Variants in DNAH5 observed in about 807,000 individuals in gnomAD.
DNAH5 encodes axonemal beta dynein heavy chain 5.
In DNAH5, 372 loss-of-function variants were observed where a neutral mutation model predicts 518.2. That is an observed-to-expected ratio of 0.72 (90% CI 0.66 to 0.78). The LOEUF (loss-of-function observed/expected upper bound fraction) is 0.78. Ranked by LOEUF, DNAH5 falls within the 30% of genes least tolerant of loss-of-function variation. The probability of loss-of-function intolerance (pLI) is 0.00; values close to 1 mark genes in which losing one functional copy is unlikely to be tolerated. For missense variants in DNAH5, 5,523 were observed against 5,687.0 expected, an observed-to-expected ratio of 0.97 and a Z score of 0.93; for synonymous variants, 2,039 against 2,025.9, an observed-to-expected ratio of 1.01 and a Z score of -0.17.
intron 52 of DNAH5, among the ~76,000 whole-genome samples, chr5:13,781,669 A>G (rs1264179947): frequency 1.3e-5 from 2 of 151,546 alleles, no homozygotes; most frequent in Non-Finnish European, 2.9e-5. Context: ...GCCATGTAAG[A>G]AGTGCCTTTC....
Position 13,871,700 on chromosome 5 carries a change from T to C in DNAH5, c.3462A>G (p.Glu1154=), listed in dbSNP as rs1338159814. ...TCTGTGTAATAAATGTCTTAATGGCTTCTTCTTTTCCCTTTTGCCAAATGT... is the reference window on the plus strand; with the variant it reads ...TCTGTGTAATAAATGTCTTAATGGCCTCTTCTTTTCCCTTTTGCCAAATGT... ...YNHIWQKGKE[E]AIKTFITQSP... The change falls in exon 23 of 79, where the codon GAA becomes GAG. Residue 1154 remains glutamate (E), a synonymous_variant. Coordinates refer to ENST00000265104, the MANE Select transcript of DNAH5 (RefSeq NM_001369.3). 5 of 1,613,818 alleles carry C rather than the reference T, an allele frequency of 3.1e-6. No homozygotes were observed. Among genetic ancestry groups the C allele is most frequent in the Non-Finnish European group, 4.2e-6 (5 of 1,179,822 alleles).
At chr5:13,916,113 A>C (rs949020125) in intron 9 of DNAH5, among the ~76,000 whole-genome samples, 1 of 151,644 alleles carries the variant, frequency 6.6e-6, no homozygotes, top group Admixed American at 6.6e-5. Flanking sequence ...CATTTGTATT[A>C]TATAAATAAT....
intron 31 of DNAH5, among the ~76,000 whole-genome samples, chr5:13,849,446 A>C (rs1448050552): frequency 6.6e-6 from 1 of 152,214 alleles, no homozygotes; most frequent in African/African-American, 2.4e-5. Flanking sequence ...GGTTCCTTTT[A>C]ATAGGATACA....
intron 1 of DNAH5, among the ~76,000 whole-genome samples, chr5:13,967,667 G>C (rs945380686): frequency 1.3e-5 from 2 of 151,986 alleles, no homozygotes; most frequent in Non-Finnish European, 2.9e-5. Flanking sequence ...CTCTTGCTCT[G>C]GCTGTATGGG....
rs1295167678 is a variant in DNAH5, at chr5:13,753,235, G to A, written c.10870C>T (p.Gln3624Ter). ...AAACATACTAAAACACAAATTACCTGGAGTTCATTTCGGCTTTCTTTATTT... is the reference window on the plus strand; with the variant it reads ...AAACATACTAAAACACAAATTACCTAGAGTTCATTTCGGCTTTCTTTATTT... The part of the protein sequence containing the change: ...IKNKESRNEL[Q>*]ITSLNHKYFR... Residue 3624 changes from glutamine to a stop codon, truncating the protein, a stop_gained and splice_region_variant, in exon 63 of 79, where the codon CAG becomes TAG. Transcript: ENST00000265104. LOFTEE classifies it high-confidence loss of function. 2.5e-6 allele frequency: 4 copies of A among 1,611,440 alleles called. No individual in the cohort carries two copies. The highest frequency in any genetic ancestry group is 3.4e-6 in the Non-Finnish European group (4 of 1,177,774).
chr5:13,915,093 A>G (rs1776495468), intron 9 of DNAH5, among the ~76,000 whole-genome samples: 1 of 152,122 alleles, frequency 6.6e-6, no homozygotes, highest in Admixed American at 6.5e-5. Flanking sequence ...GAGAAGGAAA[A>G]CTAATGTACA....
intron 41 of DNAH5, among the ~76,000 whole-genome samples, chr5:13,817,958 A>G (rs578158779): frequency 6.6e-6 from 1 of 152,294 alleles, no homozygotes; most frequent in East Asian, 1.9e-4. Flanking sequence ...GGAATTTATG[A>G]AGGTACTAAT....
chr5:13,959,061 C>A lies in DNAH5; in HGVS notation c.13-27817G>T, dbSNP rs1376936354. ...GCAACCTCCGCCTCTCAGGTTCAAG[C>A]AATTCTCCTGCCTCAGCTAGAATTA... On this transcript the variant is annotated intron_variant, in intron 1 of 78. Transcript: ENST00000681290. 3.3e-5 allele frequency among the ~76,000 whole-genome samples: 5 copies of A among 152,162 alleles called. No homozygotes were observed. In the South Asian group the frequency reaches 8.3e-4, roughly 25 times the overall value.
chr5:13,858,075 C>A (rs1208396859), intron 30 of DNAH5, among the ~76,000 whole-genome samples: 1 of 152,112 alleles, frequency 6.6e-6, no homozygotes, highest in Non-Finnish European at 1.5e-5. Context: ...TGTGTATATA[C>A]CCAAAGGACT....
chr5:13,856,151 C>T (rs1767601643), intron 30 of DNAH5, among the ~76,000 whole-genome samples: 1 of 152,022 alleles, frequency 6.6e-6, no homozygotes, highest in South Asian at 2.1e-4. Flanking sequence ...AAGATCAGAG[C>T]AGAACCGAAG....
intron 3 of DNAH5, among the ~76,000 whole-genome samples, chr5:13,927,561 A>G (rs1336394628): frequency 1.3e-5 from 2 of 152,192 alleles, no homozygotes; most frequent in East Asian, 3.9e-4. Flanking sequence ...CAAATTTTTC[A>G]TAAATGAGAA....
rs540537564 is a variant in DNAH5, at chr5:13,939,274, A to G, written c.57+5108T>C. Among the ~76,000 whole-genome samples, 116 of 152,320 alleles carry G rather than the reference A, an allele frequency of 7.6e-4. 2 individuals carry two copies. Among genetic ancestry groups the G allele is most frequent in the African/African-American group, 2.5e-3 (102 of 41,578 alleles). On this transcript the variant is annotated intron_variant, in intron 1 of 78. Coordinates refer to ENST00000265104, the MANE Select transcript of DNAH5 (RefSeq NM_001369.3). ...ATTAAGGGCTGGAACAAATTATCCT[A>G]GACCAACGTGAGTCCACGATTGCAG...
chr5:13,907,288 G>A (rs957879846), intron 12 of DNAH5, among the ~76,000 whole-genome samples: 11 of 152,076 alleles, frequency 7.2e-5, no homozygotes, highest in Non-Finnish European at 1.5e-4. Flanking sequence ...AAAATTAGCC[G>A]GGTGTGGTGG....
intron 1 of DNAH5, among the ~76,000 whole-genome samples, chr5:13,940,494 C>T (rs1353195000): frequency 6.6e-6 from 1 of 152,140 alleles, no homozygotes; most frequent in African/African-American, 2.4e-5. Flanking sequence ...ATACAACAAA[C>T]CACTGTGCTT....
chr5:13,806,893 A>T (rs115539781), intron 47 of DNAH5, among the ~76,000 whole-genome samples: 1,533 of 152,310 alleles, frequency 0.01, 32 homozygotes, highest in African/African-American at 0.033. Context: ...TAAGGGTCTA[A>T]GATTTTATAC....
At chr5:13,716,820 A>C (rs1047733013) in intron 73 of DNAH5, 130 bp from the exon 74 acceptor site, 2 of 726,594 alleles carry the variant, frequency 2.8e-6, no homozygotes, top group Non-Finnish European at 4.9e-6. Flanking sequence ...CTGCAAAGAG[A>C]AAGTGCAGAA....
intron 9 of DNAH5, among the ~76,000 whole-genome samples, chr5:13,914,868 T>A (rs1210114463): frequency 6.6e-6 from 1 of 152,086 alleles, no homozygotes; most frequent in Non-Finnish European, 1.5e-5. Flanking sequence ...ATCGACAATT[T>A]AGGCCACCTT....
chr5:13,747,597 T>C (rs1233454216), intron 65 of DNAH5, among the ~76,000 whole-genome samples: 1 of 152,238 alleles, frequency 6.6e-6, no homozygotes, highest in Admixed American at 6.5e-5. Context: ...TGTGAGATGG[T>C]ATCTCATTGT....
intron 78 of DNAH5, among the ~76,000 whole-genome samples, chr5:13,698,027 T>C (rs1239351299): frequency 6.6e-6 from 1 of 152,210 alleles, no homozygotes. Flanking sequence ...AATGAATTAA[T>C]GTCATCATCA....
Sources: gnomAD v4.1 joint callset for allele counts (sites outside exome capture counted in the v4.1 genomes callset) on GRCh38, gnomAD v4.1.1 for gene constraint, MANE v1.5 for transcripts, NCBI Gene and HGNC (gene_info 2026-07-23, HGNC 2026-07-21) for gene names.